TMCC3: variants seen among roughly 807,000 people sequenced by gnomAD.
The protein encoded by TMCC3 is transmembrane and coiled-coil domain family 3, also known as transmembrane and coiled-coil domain protein 3.
In TMCC3, 28 loss-of-function variants were observed where a neutral mutation model predicts 40.2. That is an observed-to-expected ratio of 0.70 (90% CI 0.52 to 0.95). The LOEUF (loss-of-function observed/expected upper bound fraction) is 0.95, where lower values mean the gene tolerates loss of function less well. Among genes scored for constraint, TMCC3 ranks in the 40% least tolerant of loss-of-function variants. The pLI, the probability that TMCC3 is intolerant of heterozygous loss-of-function variation, is 0.00. For missense variants in TMCC3, 554 were observed against 615.2 expected (o/e 0.90, Z 1.05); for synonymous variants, 255 against 248.5 (o/e 1.03, Z -0.25).
intron 1 of TMCC3, among the ~76,000 whole-genome samples, chr12:94,585,896 T>C (rs4019549): frequency 0.55 from 83,044 of 151,940 alleles, 22,797 homozygotes; most frequent in Non-Finnish European, 0.57. Flanking sequence ...CATGATGTCA[T>C]AGCTGTACCT....
intron 1 of TMCC3, among the ~76,000 whole-genome samples, chr12:94,607,001 T>G (rs1364096486): frequency 6.6e-6 from 1 of 152,104 alleles, no homozygotes. Flanking sequence ...CAAGGTGTAT[T>G]TCAGTCCTTA....
intron 1 of TMCC3, among the ~76,000 whole-genome samples, chr12:94,619,817 T>C (rs1252903625): frequency 6.6e-6 from 1 of 152,196 alleles, no homozygotes; most frequent in East Asian, 1.9e-4. Context: ...GTTAAATAAA[T>C]AATAGATATG....
chr12:94,595,321 T>A (rs905892207), intron 1 of TMCC3, among the ~76,000 whole-genome samples: 1 of 152,186 alleles, frequency 6.6e-6, no homozygotes, highest in South Asian at 2.1e-4. Context: ...CTATGTTTAA[T>A]AGGGGGAATG....
At chr12:94,609,618 G>A (rs1165765255) in intron 1 of TMCC3, among the ~76,000 whole-genome samples, 1 of 152,126 alleles carries the variant, frequency 6.6e-6, no homozygotes, top group East Asian at 1.9e-4. Flanking sequence ...TATTTTCTAT[G>A]GGTAAAATTA....
chr12:94,629,424 T>C (rs1321871608), intron 1 of TMCC3, among the ~76,000 whole-genome samples: 1 of 152,216 alleles, frequency 6.6e-6, no homozygotes, highest in Non-Finnish European at 1.5e-5. Flanking sequence ...TGCATCATTA[T>C]TATCTGTCTG....
chr12:94,578,175 G>GAAAAT, intron 3 of TMCC3, among the ~76,000 whole-genome samples: 1 of 122,108 alleles, frequency 8.2e-6, no homozygotes, highest in South Asian at 2.7e-4. Context: ...AAAAGAAAAA[G>GAAAAT]AAAAAGAAAA....
chr12:94,597,155 A>ATG (rs1555283321), intron 1 of TMCC3, among the ~76,000 whole-genome samples: 5 of 14,350 alleles, frequency 3.5e-4, no homozygotes, highest in African/African-American at 7.0e-4. Flanking sequence ...ATATATATAT[A>ATG]TATGTATATA....
chr12:94,601,613 TCAGGAGTTTGAGAC>T (rs200845952), intron 1 of TMCC3, among the ~76,000 whole-genome samples: 8,525 of 150,516 alleles, frequency 0.057, 265 homozygotes, highest in South Asian at 0.13. Flanking sequence ...TCACATGAGG[TCAGGAGTTTGAGAC>T]CAGCCTGGCC....
chr12:94,580,965 C>T (rs185691804), intron 2 of TMCC3, among the ~76,000 whole-genome samples: 3 of 152,236 alleles, frequency 2.0e-5, no homozygotes, highest in African/African-American at 7.2e-5. Context: ...TTTAAGGACC[C>T]ACACATAAAT....
chr12:94,639,579 C>T (rs2068978106), intron 1 of TMCC3, among the ~76,000 whole-genome samples: 1 of 151,540 alleles, frequency 6.6e-6, no homozygotes, highest in Non-Finnish European at 1.5e-5. Context: ...GACTCTATCT[C>T]ATAAATAAAT....
rs374328966 is a variant in TMCC3, at chr12:94,581,843, C to T, written c.774G>A (p.Ser258=). 6.2e-7 allele frequency: 1 copy of T among 1,614,050 alleles called. No homozygotes were observed. The highest frequency in any genetic ancestry group is 8.5e-7 in the Non-Finnish European group (1 of 1,179,910). Residue 258 remains serine, a synonymous_variant, in exon 2 of 4, where the codon TCG becomes TCA. Coordinates refer to ENST00000261226, the MANE Select transcript of TMCC3 (RefSeq NM_020698.4). ...KPKYGSDDEC[S]SGTSGSADSN... is the part of the protein sequence containing the mutation. ...TGTCGGCCGAGCCTGACGTGCCACT[C>T]GAACATTCATCATCACTGCCATACT...
intron 3 of TMCC3, among the ~76,000 whole-genome samples, chr12:94,575,960 A>C (rs951361931): frequency 6.6e-6 from 1 of 152,130 alleles, no homozygotes; most frequent in Non-Finnish European, 1.5e-5. Flanking sequence ...TAATTAAAAA[A>C]AAAATTTTTT....
intron 1 of TMCC3, among the ~76,000 whole-genome samples, chr12:94,589,764 A>G (rs896262288): frequency 3.3e-5 from 5 of 152,214 alleles, no homozygotes; most frequent in African/African-American, 1.2e-4. Context: ...TAATGCATTC[A>G]TATATTCTTC....
In TMCC3 at chr12:94,571,251, G is replaced by T; in HGVS notation, c.*184C>A. Reference sequence around the variant, plus strand: ...AGCTCTGAAACAGATTCGTGTTAACGAAGTACAAGGACTGAGTTGGCAACT... The same window carrying T: ...AGCTCTGAAACAGATTCGTGTTAACTAAGTACAAGGACTGAGTTGGCAACT... On this transcript the variant is annotated 3_prime_UTR_variant, in exon 4 of 4. Coordinates refer to ENST00000261226, the MANE Select transcript of TMCC3 (RefSeq NM_020698.4). 2 of 647,402 alleles carry T rather than the reference G, an allele frequency of 3.1e-6. No individual in the cohort carries two copies. The highest frequency in any genetic ancestry group is 5.2e-6 in the Non-Finnish European group (2 of 383,184). 40.1% of individuals were successfully genotyped at this position (647,402 alleles called of 1,614,324 possible).
In TMCC3 at chr12:94,646,431, C is replaced by CTTTT. The variant is rs34398994; in HGVS notation, c.78+3918_78+3921dup. ...ATAGCTAATATTTGAAAGCACACAC[C>CTTTT]TTTTTTTTTTTTTTTTTTTTTTTTG... On this transcript the variant is annotated intron_variant, in intron 1 of 3. Coordinates refer to ENST00000261226, the MANE Select transcript of TMCC3 (RefSeq NM_020698.4). Among the ~76,000 whole-genome samples the CTTTT allele has an allele frequency of 4.4e-3, 400 of 90,676 alleles. 7 individuals are homozygous for CTTTT. Among genetic ancestry groups the CTTTT allele is most frequent in the East Asian group, 8.9e-3 (28 of 3,156 alleles). 59.5% of individuals were successfully genotyped at this position (90,676 alleles called of 152,430 possible).
At chr12:94,606,448 C>T (rs1031292221) in intron 1 of TMCC3, among the ~76,000 whole-genome samples, 2 of 150,174 alleles carry the variant, frequency 1.3e-5, no homozygotes, top group African/African-American at 4.9e-5. Flanking sequence ...CTCACTGTAA[C>T]CTCTGCCTCC....
intron 1 of TMCC3, among the ~76,000 whole-genome samples, chr12:94,627,566 C>T (rs1487919485): frequency 6.6e-6 from 1 of 152,202 alleles, no homozygotes; most frequent in Non-Finnish European, 1.5e-5. Context: ...TCACACTGCC[C>T]CAGCCACACA....
intron 1 of TMCC3, among the ~76,000 whole-genome samples, chr12:94,624,203 C>T (rs1274046659): frequency 6.6e-6 from 1 of 152,154 alleles, no homozygotes; most frequent in African/African-American, 2.4e-5. Context: ...CTGGTGCAAC[C>T]ACTTTGGAAA....
intron 1 of TMCC3, among the ~76,000 whole-genome samples, chr12:94,603,306 G>A (rs959070453): frequency 1.3e-5 from 2 of 151,958 alleles, no homozygotes; most frequent in Non-Finnish European, 2.9e-5. Flanking sequence ...TAGTACAGAC[G>A]GGGTTTTGCC....
Sources: gnomAD v4.1 joint callset for allele counts (sites outside exome capture counted in the v4.1 genomes callset) on GRCh38, gnomAD v4.1.1 for gene constraint, MANE v1.5 for transcripts, NCBI Gene and HGNC (gene_info 2026-07-23, HGNC 2026-07-21) for gene names.